LARGE1: variants seen among roughly 807,000 people sequenced by gnomAD.
The protein encoded by LARGE1 is LARGE xylosyl- and glucuronyltransferase 1.
In LARGE1, 43 loss-of-function variants were observed where a neutral mutation model predicts 87.6. That is an observed-to-expected ratio of 0.49 (90% CI 0.38 to 0.63). The LOEUF is 0.63. LARGE1 is among the 30% of genes least tolerant of loss of function. LARGE1 has a pLI of 0.00. For missense variants in LARGE1, 802 were observed against 1,000.2 expected, an observed-to-expected ratio of 0.80 and a Z score of 2.67; for synonymous variants, 434 against 394.6, an observed-to-expected ratio of 1.10 and a Z score of -1.18.
chr22:33,385,438 G>A (rs1264834390), intron 7 of LARGE1, among the ~76,000 whole-genome samples: 2 of 131,552 alleles, frequency 1.5e-5, no homozygotes, highest in Non-Finnish European at 1.6e-5. Flanking sequence ...TGAGGCAGGA[G>A]AATCACTCGA....
intron 6 of LARGE1, among the ~76,000 whole-genome samples, chr22:33,449,641 CAAG>C (rs1273428154): frequency 3.3e-5 from 5 of 152,228 alleles, no homozygotes; most frequent in Non-Finnish European, 7.3e-5. Flanking sequence ...AGTGAAAAAC[CAAG>C]GTTTCTGAAT....
chr22:33,209,859 G>A (rs559335842), intron 11 of LARGE1, among the ~76,000 whole-genome samples: 3 of 151,922 alleles, frequency 2.0e-5, no homozygotes, highest in Non-Finnish European at 4.4e-5. Context: ...ATTTTTTCCG[G>A]GCTGGTCTCG....
intron 6 of LARGE1, among the ~76,000 whole-genome samples, chr22:33,542,092 G>A (rs920644159): frequency 6.8e-6 from 1 of 147,318 alleles, no homozygotes; most frequent in Non-Finnish European, 1.5e-5. Flanking sequence ...AACCAAGGAG[G>A]TAGAGGTTGC....
intron 1 of LARGE1, among the ~76,000 whole-genome samples, chr22:33,808,943 T>C (rs13053313): frequency 0.22 from 33,084 of 148,820 alleles, 4,467 homozygotes; most frequent in Admixed American, 0.36. Flanking sequence ...CAGTACATCC[T>C]TCCCTAACCC....
chr22:33,501,047 T>G (rs1323173233), intron 6 of LARGE1, among the ~76,000 whole-genome samples: 1 of 152,076 alleles, frequency 6.6e-6, no homozygotes, highest in Non-Finnish European at 1.5e-5. Flanking sequence ...GGACCCTCCA[T>G]GATTAGAACA....
chr22:33,089,464 C>CTCTTGT, the LARGE1 span, among the ~76,000 whole-genome samples: 1 of 142,352 alleles, frequency 7.0e-6, no homozygotes. Context: ...CCTCCTCTTC[C>CTCTTGT]TCTTCTTCTT....
chr22:33,146,014 C>G, the LARGE1 span, among the ~76,000 whole-genome samples: 19 of 152,156 alleles, frequency 1.2e-4, no homozygotes, highest in Non-Finnish European at 2.8e-4. Flanking sequence ...TGAAAACTCC[C>G]ATTCAACTCC....
intron 5 of LARGE1, among the ~76,000 whole-genome samples, chr22:33,570,090 C>T (rs1398903194): frequency 6.6e-6 from 1 of 152,160 alleles, no homozygotes; most frequent in Non-Finnish European, 1.5e-5. Flanking sequence ...TTTTAATGAG[C>T]TGTGTGACCT....
intron 6 of LARGE1, among the ~76,000 whole-genome samples, chr22:33,436,891 T>C (rs1227785147): frequency 6.6e-6 from 1 of 152,040 alleles, no homozygotes; most frequent in Non-Finnish European, 1.5e-5. Flanking sequence ...GAAGAGCCAT[T>C]GTAGATACTG....
At chr22:33,792,200 C>T (rs1481081976) in intron 1 of LARGE1, among the ~76,000 whole-genome samples, 1 of 152,180 alleles carries the variant, frequency 6.6e-6, no homozygotes, top group African/African-American at 2.4e-5. Context: ...TCATCTTGAA[C>T]TGTAGTTCCC....
the LARGE1 span, among the ~76,000 whole-genome samples, chr22:33,139,914 G>C: frequency 2.0e-5 from 3 of 152,238 alleles, no homozygotes; most frequent in African/African-American, 7.2e-5. Context: ...TTCAGAGCTA[G>C]TGGGTGCAGA....
intron 6 of LARGE1, among the ~76,000 whole-genome samples, chr22:33,521,232 C>T (rs1344408066): frequency 1.3e-5 from 2 of 152,244 alleles, no homozygotes; most frequent in Admixed American, 6.5e-5. Flanking sequence ...ACAAGTAATC[C>T]TCACATGTAG....
At chr22:33,354,065 A>T (rs897991423) in intron 9 of LARGE1, among the ~76,000 whole-genome samples, 1 of 152,384 alleles carries the variant, frequency 6.6e-6, no homozygotes, top group Non-Finnish European at 1.5e-5. Flanking sequence ...AAGAGATGGC[A>T]CACGTGAAGA....
At chr22:33,415,503 TA>T (rs2066455793) in intron 7 of LARGE1, among the ~76,000 whole-genome samples, 1 of 152,178 alleles carries the variant, frequency 6.6e-6, no homozygotes, top group African/African-American at 2.4e-5. Context: ...GCAACTCTTC[TA>T]GAACAGTGGC....
chr22:33,552,762 G>A (rs1022024116), intron 6 of LARGE1, among the ~76,000 whole-genome samples: 4 of 152,200 alleles, frequency 2.6e-5, no homozygotes, highest in African/African-American at 9.7e-5. Flanking sequence ...CATCTGTCAA[G>A]TTGCTTTTGT....
In LARGE1 at chr22:33,624,024, C is replaced by G. The variant is rs182121566; in HGVS notation, c.491+2220G>C. Reference sequence around the variant, plus strand: ...CAGCCTTGGCGACAAGAGCAAAACTCCATCTCAAAAAAAATAAAATAAAAA... The same window carrying G: ...CAGCCTTGGCGACAAGAGCAAAACTGCATCTCAAAAAAAATAAAATAAAAA... On this transcript the variant is annotated intron_variant, in intron 4 of 14. Coordinates refer to ENST00000397394, the MANE Select transcript of LARGE1 (RefSeq NM_133642.5). 3.4e-3 allele frequency among the ~76,000 whole-genome samples: 519 copies of G among 151,966 alleles called. 4 individuals are homozygous for G. The highest frequency in any genetic ancestry group is 0.012 in the African/African-American group (482 of 41,452).
At chr22:33,119,714 A>G in the LARGE1 span, among the ~76,000 whole-genome samples, 1 of 152,194 alleles carries the variant, frequency 6.6e-6, no homozygotes, top group Non-Finnish European at 1.5e-5. Flanking sequence ...GCTTTCTGGC[A>G]ACCACCCTGA....
In LARGE1 at chr22:33,650,606, A is replaced by G; in HGVS notation, c.169T>C (p.Ser57Pro). The G allele has an allele frequency of 6.2e-7, 1 of 1,604,690 alleles. No homozygotes were observed. Among genetic ancestry groups the G allele is most frequent in the Non-Finnish European group, 8.5e-7 (1 of 1,179,934 alleles). The change falls in exon 3 of 15, where the codon TCC (serine) becomes CCC (proline). Residue 57 changes from serine to proline, a missense_variant. Ser to Pro is a moderately conservative substitution (Grantham distance 74, BLOSUM62 -1). Transcript: ENST00000397394. ...AGGCTCTCGCGCTCCCGCTGGCTGGAGGCCGTGTACCTGGGGCTGTGTGCC... is the reference window on the plus strand; with the variant it reads ...AGGCTCTCGCGCTCCCGCTGGCTGGGGGCCGTGTACCTGGGGCTGTGTGCC... ...SQAHSPRYTA[S>P]SQRERESLEV...
At chr22:33,454,616 T>TAAAA (rs563852024) in intron 6 of LARGE1, among the ~76,000 whole-genome samples, 12 of 111,472 alleles carry the variant, frequency 1.1e-4, no homozygotes, top group African/African-American at 3.7e-4. Flanking sequence ...AGACTCTGTC[T>TAAAA]AAAAAAAAAA....
Sources: gnomAD v4.1 joint callset for allele counts (sites outside exome capture counted in the v4.1 genomes callset) on GRCh38, gnomAD v4.1.1 for gene constraint, MANE v1.5 for transcripts, NCBI Gene and HGNC (gene_info 2026-07-23, HGNC 2026-07-21) for gene names.